MGAM: variants seen among roughly 807,000 people sequenced by gnomAD.
MGAM encodes the protein maltase-glucoamylase.
Under a neutral mutation model 358.8 loss-of-function variants are expected in MGAM, and 253 were observed. That is an observed-to-expected ratio of 0.71 (90% CI 0.64 to 0.78). The LOEUF (loss-of-function observed/expected upper bound fraction) is 0.78. Among genes scored for constraint, MGAM ranks in the 30% least tolerant of loss-of-function variants. MGAM has a pLI of 0.00. For synonymous variants in MGAM, 1,105 were observed against 1,227.1 expected (o/e 0.90, Z 2.08); for missense variants, 3,080 against 3,432.6 (o/e 0.90, Z 2.57).
At chr7:142,050,586 G>C (rs1283507203) in intron 23 of MGAM, 111 bp from the exon 24 acceptor site, 8 of 1,111,016 alleles carry the variant, frequency 7.2e-6, no homozygotes, top group Non-Finnish European at 7.9e-6. Flanking sequence ...AAAGCAGAGA[G>C]GCATTTATGG....
At chr7:142,008,755 G>GT in intron 3 of MGAM, 50 bp downstream of exon 3, 2 of 1,567,516 alleles carry the variant, frequency 1.3e-6, no homozygotes, top group Non-Finnish European at 1.7e-6. Flanking sequence ...CAACTTGATA[G>GT]TTTATTTTTT....
rs757956465 is a variant in MGAM at position 142,050,247 on chromosome 7, A to C, written c.2600A>C (p.Asn867Thr). ...CTCTCACTTTCAGATACTGTGGCCA[A>C]TAAAGTGTATCTTTTATGTGAGTTT... ...DNGETKDTVA[N>T]KVYLLCEFSV... Residue 867 changes from asparagine to threonine, a missense_variant, in exon 23 of 71, where the codon AAT becomes ACT. Physicochemically the swap from Asn to Thr is moderately conservative, Grantham distance 65. Around this residue, in one of 5 missense-constraint regions of MGAM, gnomAD observed 1,816 missense variants for 1,840.5 expected, o/e 0.99. Coordinates refer to ENST00000475668, the MANE Select transcript of MGAM (RefSeq NM_001365693.1). 1.2e-6 allele frequency: 2 copies of C among 1,613,862 alleles called. No homozygotes were observed. The highest frequency in any genetic ancestry group is 2.2e-5 in the East Asian group (1 of 44,876).
chr7:142,052,278 T>A lies in MGAM; in HGVS notation c.2806-16T>A. 2 of 1,583,972 alleles carry A rather than the reference T, an allele frequency of 1.3e-6. No homozygotes were observed. Among genetic ancestry groups the A allele is most frequent in the Non-Finnish European group, 1.7e-6 (2 of 1,163,940 alleles). ...TCCTAAAGATGAATTTCCTTATGAT[T>A]TCCACATTCCTACAGGTTGCCATTA... On this transcript the variant is annotated splice_polypyrimidine_tract_variant and intron_variant, in intron 24 of 70. Transcript: ENST00000475668.
intron 14 of MGAM, among the ~76,000 whole-genome samples, chr7:142,033,371 C>T (rs1237718329): frequency 2.6e-5 from 4 of 152,132 alleles, no homozygotes; most frequent in African/African-American, 4.8e-5. Flanking sequence ...AGTCAGTGAA[C>T]GTGATGATAC....
chr7:142,078,662 C>G, intron 48 of MGAM, 146 bp from the exon 49 acceptor site: 1 of 1,084,106 alleles, frequency 9.2e-7, no homozygotes, highest in Non-Finnish European at 1.3e-6. Flanking sequence ...GCTTGGAGAC[C>G]AGGAAATTAA....
rs965713359 is a variant in MGAM, at chr7:142,089,907, A to G, written c.6811-2006A>G. Among the ~76,000 whole-genome samples, 8 of 146,658 alleles carry G rather than the reference A, an allele frequency of 5.5e-5. 1 individual carries two copies. Among genetic ancestry groups the G allele is most frequent in the African/African-American group, 1.9e-4 (8 of 41,146 alleles). ...CACTCGATGAAGCTGGTGAGGATGA[A>G]GCCACTGATGTCCAGGTCTGGCTTT... On this transcript the variant is annotated intron_variant, in intron 57 of 70. Coordinates refer to ENST00000475668, the MANE Select transcript of MGAM (RefSeq NM_001365693.1).
chr7:142,088,476 TCTAC>T lies in MGAM; in HGVS notation c.6810+1763_6810+1766del, dbSNP rs111947637. Among the ~76,000 whole-genome samples the T allele has an allele frequency of 3.4e-4, 47 of 139,984 alleles. 1 individual carries two copies. Among genetic ancestry groups the T allele is most frequent in the African/African-American group, 1.1e-3 (42 of 37,132 alleles). The allele number at this position is 139,984 out of a possible 152,430, so 91.8% of individuals were successfully genotyped here. On this transcript the variant is annotated intron_variant, in intron 57 of 70. Transcript: ENST00000475668. ...ATGTATGTATGTACGTATCTATCTA[TCTAC>T]CTATCTCAGTCTATCATATCTATGT...
At chr7:142,007,702 C>A (rs1224974722) in intron 2 of MGAM, among the ~76,000 whole-genome samples, 2 of 152,140 alleles carry the variant, frequency 1.3e-5, no homozygotes, top group African/African-American at 4.8e-5. Context: ...TTCTAATTTA[C>A]TGATTTTTAA....
At position 142,032,925 on chromosome 7, in the gene MGAM, C is replaced by T; in HGVS notation, c.1669+16C>T. The stretch of plus-strand genomic sequence containing the variant: ...TTCACTCCCAGTAAGTCTTGGTGGT[C>T]AGCAGATTAAAGTAGCCATATGTAT... On this transcript the variant is annotated intron_variant, in intron 14 of 70. Transcript: ENST00000475668. 1 of 1,556,620 alleles carries T rather than the reference C, an allele frequency of 6.4e-7. No individual in the cohort carries two copies.
At chr7:142,023,976 G>A (rs1452400608) in intron 7 of MGAM, among the ~76,000 whole-genome samples, 3 of 152,254 alleles carry the variant, frequency 2.0e-5, no homozygotes, top group South Asian at 4.1e-4. Flanking sequence ...GCTCACGTCT[G>A]TAATCCCAAC....
intron 10 of MGAM, 144 bp downstream of exon 10, chr7:142,027,879 AT>A (rs34441915): frequency 0.6 from 391,148 of 650,710 alleles, 105,497 homozygotes; most frequent in East Asian, 0.92. Context: ...AATACTAGAC[AT>A]TTTTTTTTTT....
At chr7:142,018,638 A>G (rs1278036452) in intron 3 of MGAM, among the ~76,000 whole-genome samples, 1 of 152,188 alleles carries the variant, frequency 6.6e-6, no homozygotes, top group East Asian at 1.9e-4. Flanking sequence ...GAAGGCACAC[A>G]CCTTTCTTAA....
At position 142,021,052 on chromosome 7, in the gene MGAM, A is replaced by G; in HGVS notation, c.527A>G (p.Glu176Gly). 6.2e-7 allele frequency: 1 copy of G among 1,612,088 alleles called. No individual in the cohort carries two copies. ...GTTGACAATGTTCTTCTCACAGCAGAATATCAGACATCTAATCGTTTCCAC... is the reference window on the plus strand; with the variant it reads ...GTTGACAATGTTCTTCTCACAGCAGGATATCAGACATCTAATCGTTTCCAC... The part of the protein sequence containing the change: ...SNVDNVLLTA[E>G]YQTSNRFHFK... The change falls in exon 5 of 71, where the codon GAA becomes GGA. Residue 176 changes from glutamate (E) to glycine (G), a missense_variant. Coordinates refer to ENST00000475668, the MANE Select transcript of MGAM (RefSeq NM_001365693.1).
chr7:142,042,042 TAATATATA>T (rs1808821368), intron 21 of MGAM, among the ~76,000 whole-genome samples: 1 of 42,332 alleles, frequency 2.4e-5, no homozygotes, highest in Non-Finnish European at 3.7e-5. Flanking sequence ...TATATACATA[TAATATATA>T]ATATATATAC....
chr7:142,010,425 C>T (rs540559688), intron 3 of MGAM, among the ~76,000 whole-genome samples: 34 of 152,200 alleles, frequency 2.2e-4, no homozygotes, highest in Non-Finnish European at 4.6e-4. Context: ...GTTCTTGAGA[C>T]AGAAACAGCA....
intron 57 of MGAM, among the ~76,000 whole-genome samples, chr7:142,088,670 C>A (rs1285940513): frequency 7.1e-6 from 1 of 140,172 alleles, no homozygotes; most frequent in Admixed American, 7.3e-5. Flanking sequence ...ATCTATCTAT[C>A]TATCTATCTA....
chr7:142,076,643 G>A lies in MGAM; in HGVS notation c.5326-16G>A, dbSNP rs546023314. On this transcript the variant is annotated splice_polypyrimidine_tract_variant and intron_variant, in intron 46 of 70. Transcript: ENST00000475668. ...AGGCATACCTTTATGCATAATTGGA[G>A]TTAATTGTTTTGCAGAACCACTTGG... is the stretch of plus-strand genomic sequence containing the variant. 3.3e-6 allele frequency: 5 copies of A among 1,514,452 alleles called. 1 individual carries two copies. The East Asian group carries it at 9.2e-5, about 28-fold the overall frequency. 93.8% of individuals were successfully genotyped at this position (1,514,452 alleles called of 1,614,324 possible). A position where few individuals can be genotyped will look rare whatever the true frequency, so the allele number is the denominator to read the frequency against.
chr7:142,060,824 T>C (rs1461226030), intron 34 of MGAM, among the ~76,000 whole-genome samples: 1 of 152,106 alleles, frequency 6.6e-6, no homozygotes, highest in African/African-American at 2.4e-5. Flanking sequence ...ATATCTTTCT[T>C]TTTTTCCCCA....
intron 3 of MGAM, among the ~76,000 whole-genome samples, chr7:142,013,406 C>A (rs1805746397): frequency 6.6e-6 from 1 of 152,144 alleles, no homozygotes; most frequent in Admixed American, 6.5e-5. Flanking sequence ...TTTGTCCTTG[C>A]AACTTTGCCC....
Sources: allele counts gnomAD v4.1 joint callset (sites outside exome capture counted in the v4.1 genomes callset), GRCh38; gene constraint gnomAD v4.1.1; regional missense constraint gnomAD v4.1.1; transcripts MANE v1.5; gene names NCBI Gene and HGNC (gene_info 2026-07-23, HGNC 2026-07-21).